Variants in CASP10 observed in about 807,000 individuals in gnomAD.
The protein encoded by CASP10 is caspase 10.
A neutral mutation model predicts 48.5 loss-of-function variants in CASP10; 41 were observed. The observed-to-expected ratio is 0.85, with a 90% CI of 0.66 to 1.10. The LOEUF (loss-of-function observed/expected upper bound fraction) is 1.10, where lower values mean the gene tolerates loss of function less well. Among genes scored for constraint, CASP10 ranks in the 50% least tolerant of loss-of-function variants. The pLI is 0.00. For synonymous variants in CASP10, 232 were observed against 238.4 expected (o/e 0.97, Z 0.25); for missense variants, 614 against 614.5 (o/e 1.00, Z 0.01).
intron 3 of CASP10, among the ~76,000 whole-genome samples, chr2:201,188,638 C>CA: frequency 6.6e-6 from 1 of 152,276 alleles, no homozygotes; most frequent in South Asian, 2.1e-4. Flanking sequence ...ATTGCACACT[C>CA]GTGGTGCAGT....
chr2:201,185,970 C>T lies in CASP10; in HGVS notation c.193C>T (p.Leu65Phe). The T allele has an allele frequency of 1.9e-6, 3 of 1,614,036 alleles. No individual in the cohort carries two copies. Among genetic ancestry groups the T allele is most frequent in the Non-Finnish European group, 2.5e-6 (3 of 1,179,998 alleles). ...CTCAGCCTCAGATGTTTTTGAACAT[C>T]TCTTGGCAGAGGATCTGCTGAGTGA... ...SSSASDVFEH[L>F]LAEDLLSEED... is the part of the protein sequence containing the mutation. Residue 65 changes from leucine (L) to phenylalanine (F), a missense_variant, in exon 2 of 10, where the codon CTC becomes TTC. Coordinates refer to ENST00000286186, the MANE Select transcript of CASP10 (RefSeq NM_032977.4).
At chr2:201,189,544 G>T (rs115340469) in intron 3 of CASP10, among the ~76,000 whole-genome samples, 3,240 of 152,160 alleles carry the variant, frequency 0.021, 58 homozygotes, top group Non-Finnish European at 0.032. Context: ...GGGATTACAG[G>T]CATGAACCAC....
In CASP10 at chr2:201,200,336, A is replaced by G. The variant is rs933981442; in HGVS notation, c.685-3394A>G. The G allele has an allele frequency of 4.1e-6, 4 of 978,290 alleles. No individual in the cohort carries two copies. In the African/African-American group the frequency reaches 6.4e-5, roughly 16 times the overall value. The allele number at this position is 978,290 out of a possible 1,614,324, so 60.6% of individuals were successfully genotyped here. On this transcript the variant is annotated intron_variant, in intron 5 of 9. Coordinates refer to ENST00000286186, the MANE Select transcript of CASP10 (RefSeq NM_032977.4). ...ATGATTCTTGTGTGATCCAGCATTT[A>G]CTATGTTGGTTGTAAAACAATGCTT...
At chr2:201,229,126 G>A (rs751798560) in exon 10 of CASP10, 13 of 1,612,464 alleles carry the variant, frequency 8.1e-6, no homozygotes, top group East Asian at 2.2e-5. Context: ...CAGCCACATC[G>A]CCTGAGATTG....
chr2:201,226,985 G>A (rs946020965), intron 9 of CASP10, among the ~76,000 whole-genome samples: 1 of 151,992 alleles, frequency 6.6e-6, no homozygotes, highest in Non-Finnish European at 1.5e-5. Context: ...CTTTTATGTT[G>A]CTTATAAATT....
intron 5 of CASP10, 111 bp downstream of exon 5, chr2:201,196,059 T>G (rs760890208): frequency 8.2e-6 from 6 of 729,190 alleles, no homozygotes; most frequent in Non-Finnish European, 1.5e-5. Context: ...TTTGTACCAT[T>G]TATTGTAAAT....
chr2:201,213,222 A>T (rs1034534927), intron 9 of CASP10: 1 of 152,220 alleles, frequency 6.6e-6, no homozygotes, highest in Non-Finnish European at 1.5e-5. Flanking sequence ...TTTATCGGTA[A>T]ATAAGAAGTT....
At chr2:201,187,642 T>G in intron 2 of CASP10, 64 bp from the exon 3 acceptor site, 2 of 1,134,034 alleles carry the variant, frequency 1.8e-6, no homozygotes, top group Non-Finnish European at 2.7e-6. Context: ...TGAAAGCACT[T>G]GATTGATTAT....
At chr2:201,207,979 C>T in intron 7 of CASP10, 96 bp from the exon 8 acceptor site, 2 of 816,772 alleles carry the variant, frequency 2.4e-6, no homozygotes, top group Admixed American at 1.9e-5. Context: ...ATACATCCTG[C>T]TCTTCCTCAC....
intron 9 of CASP10, chr2:201,212,466 T>G (rs1415063009): frequency 6.6e-6 from 1 of 152,094 alleles, no homozygotes; most frequent in Non-Finnish European, 1.5e-5. Flanking sequence ...GGAAGAAGGT[T>G]GGGGGTAGGG....
rs201083784 is a variant in CASP10, at chr2:201,208,028, G to C, written c.814-47G>C. The C allele has an allele frequency of 2.2e-5, 30 of 1,341,748 alleles. No homozygotes were observed. In the South Asian group the frequency reaches 3.0e-4, roughly 14 times the overall value. The allele number at this position is 1,341,748 out of a possible 1,614,324, so 83.1% of individuals were successfully genotyped here. On this transcript the variant is annotated intron_variant, in intron 7 of 9. Coordinates refer to ENST00000286186, the MANE Select transcript of CASP10 (RefSeq NM_032977.4). ...GAGTGGTTGGTTAGAAACATTTAAG[G>C]CCCTAAGATAAGGATTCCTACTAAG...
chr2:201,190,634 C>T (rs1480395801), intron 3 of CASP10, among the ~76,000 whole-genome samples: 1 of 152,016 alleles, frequency 6.6e-6, no homozygotes, highest in Non-Finnish European at 1.5e-5. Context: ...AAAATGAGAC[C>T]ACTTTTTATT....
chr2:201,196,007 C>T, intron 5 of CASP10, 59 bp downstream of exon 5: 5 of 1,120,996 alleles, frequency 4.5e-6, no homozygotes, highest in Non-Finnish European at 6.8e-6. Context: ...CCAACCTCCC[C>T]TCCCTGCCAC....
chr2:201,218,265 G>C lies in CASP10; in HGVS notation c.*524G>C. 10 of 1,008,586 alleles carry C rather than the reference G, an allele frequency of 9.9e-6. No individual in the cohort carries two copies. Among genetic ancestry groups the C allele is most frequent in the Non-Finnish European group, 1.2e-5 (10 of 843,966 alleles). The allele number at this position is 1,008,586 out of a possible 1,614,324, so 62.5% of individuals were successfully genotyped here. On this transcript the variant is annotated 3_prime_UTR_variant, in exon 10 of 10. Coordinates refer to ENST00000286186, the MANE Select transcript of CASP10 (RefSeq NM_032977.4). ...AGACTTGGATTGTAGCCTTGGTTTTGGATGTCTATTCTGAAGACAGAGTAA... is the reference window on the plus strand; with the variant it reads ...AGACTTGGATTGTAGCCTTGGTTTTCGATGTCTATTCTGAAGACAGAGTAA...
intron 9 of CASP10, chr2:201,228,874 T>G: frequency 6.5e-7 from 1 of 1,532,936 alleles, no homozygotes; most frequent in Non-Finnish European, 9.0e-7. Flanking sequence ...CTCCAGGTCC[T>G]TGTGTGTGAA....
At chr2:201,225,990 G>A (rs1324223747), downstream of CASP10, among the ~76,000 whole-genome samples, 1 of 152,028 alleles carries the variant, frequency 6.6e-6, no homozygotes, top group African/African-American at 2.4e-5. Flanking sequence ...AACAAAACCT[G>A]AGGGATGAGC....
In CASP10 at chr2:201,218,036, C is replaced by G. The variant is rs568287435; in HGVS notation, c.*295C>G. 43 of 797,274 alleles carry G rather than the reference C, an allele frequency of 5.4e-5. No individual in the cohort carries two copies. Among genetic ancestry groups the G allele is most frequent in the Non-Finnish European group, 7.1e-5 (41 of 578,666 alleles). 49.4% of individuals were successfully genotyped at this position (797,274 alleles called of 1,614,324 possible). ...TCAAGCTGTCCTCCCGCCTCAGCTTCCCAAGTAGCTGGGACCACAGGTGTG... is the reference window on the plus strand; with the variant it reads ...TCAAGCTGTCCTCCCGCCTCAGCTTGCCAAGTAGCTGGGACCACAGGTGTG... On this transcript the variant is annotated 3_prime_UTR_variant, in exon 10 of 10. Coordinates refer to ENST00000286186, the MANE Select transcript of CASP10 (RefSeq NM_032977.4).
chr2:201,200,925 T>G (rs1439499540), intron 5 of CASP10, among the ~76,000 whole-genome samples: 1 of 152,144 alleles, frequency 6.6e-6, no homozygotes, highest in East Asian at 1.9e-4. Context: ...CTGCTCCCCT[T>G]GATTCTTTTA....
Position 201,193,125 on chromosome 2 carries a change from T to C in CASP10, c.577+6T>C. 1 of 1,613,004 alleles carries C rather than the reference T, an allele frequency of 6.2e-7. No homozygotes were observed. On this transcript the variant is annotated splice_donor_region_variant and intron_variant, in intron 4 of 9. Transcript: ENST00000286186. ...GAAATACAAAAGAGAGAAAGGTAAG[T>C]AGCTTGTGATTGCTAACTTGGACCA...
Sources: gnomAD v4.1 joint callset for allele counts (sites outside exome capture counted in the v4.1 genomes callset) on GRCh38, gnomAD v4.1.1 for gene constraint, MANE v1.5 for transcripts, NCBI Gene and HGNC (gene_info 2026-07-23, HGNC 2026-07-21) for gene names.